Variants in NLGN1 observed in about 807,000 individuals in gnomAD.
NLGN1 encodes neuroligin-1.
Under a neutral mutation model 65.5 loss-of-function variants are expected in NLGN1, and 12 were observed. The observed-to-expected ratio is 0.18, with a 90% CI of 0.12 to 0.30. NLGN1 has a LOEUF of 0.30. Among genes scored for constraint, NLGN1 ranks in the 10% least tolerant of loss-of-function variants. NLGN1 has a pLI of 1.00. For synonymous variants in NLGN1, 350 were observed against 359.5 expected (o/e 0.97, Z 0.30); for missense variants, 750 against 1,007.1 (o/e 0.74, Z 3.46).
chr3:173,457,540 A>T (rs1560282339), intron 2 of NLGN1, among the ~76,000 whole-genome samples: 1 of 152,098 alleles, frequency 6.6e-6, no homozygotes, highest in Non-Finnish European at 1.5e-5. Context: ...ATGTAACAGG[A>T]AGGCCCTTGA....
chr3:173,604,380 AG>A lies in NLGN1; in HGVS notation c.-217del. On this transcript the variant is annotated 5_prime_UTR_variant, in exon 3 of 7. An upstream open reading frame in the 5' UTR gains an earlier in-frame stop. Coordinates refer to ENST00000457714, the Ensembl canonical transcript of NLGN1. ...TAATATGGAAAACAGAATGTTCAATAGGATATGGTCTGATAAATAGTGATGA... is the reference window on the plus strand; with the variant it reads ...TAATATGGAAAACAGAATGTTCAATAGATATGGTCTGATAAATAGTGATGA... 1 of 580,856 alleles carries A rather than the reference AG, an allele frequency of 1.7e-6. No individual in the cohort carries two copies. The allele number at this position is 580,856 out of a possible 1,614,324, so 36.0% of individuals were successfully genotyped here.
intron 3 of NLGN1, among the ~76,000 whole-genome samples, chr3:173,739,454 C>G (rs1774289592): frequency 6.6e-6 from 1 of 152,000 alleles, no homozygotes. Context: ...TTCTGGAAAA[C>G]AAAAGGAAAC....
At chr3:174,016,491 G>A (rs1726580434) in intron 4 of NLGN1, among the ~76,000 whole-genome samples, 1 of 152,130 alleles carries the variant, frequency 6.6e-6, no homozygotes, top group African/African-American at 2.4e-5. Flanking sequence ...CAAGATATCA[G>A]CAGATTGAGA....
chr3:173,485,116 C>CAAA (rs58463042), intron 2 of NLGN1, among the ~76,000 whole-genome samples: 37 of 52,810 alleles, frequency 7.0e-4, no homozygotes, highest in Non-Finnish European at 9.3e-4. Flanking sequence ...TGGCAGCAGG[C>CAAA]AAAAAAAAAA....
At chr3:173,756,176 A>T (rs1394951790) in intron 3 of NLGN1, among the ~76,000 whole-genome samples, 1 of 152,050 alleles carries the variant, frequency 6.6e-6, no homozygotes, top group Non-Finnish European at 1.5e-5. Flanking sequence ...CAATAAGATA[A>T]AGCAAATAAG....
At chr3:174,089,595 T>C (rs1744110099) in intron 4 of NLGN1, among the ~76,000 whole-genome samples, 1 of 152,192 alleles carries the variant, frequency 6.6e-6, no homozygotes, top group Non-Finnish European at 1.5e-5. Flanking sequence ...TGTGTTTATA[T>C]GCCCTTACAG....
At position 173,576,018 on chromosome 3, in the gene NLGN1, T is replaced by C. The variant is rs113589463; in HGVS notation, c.-320-28261T>C. Among the ~76,000 whole-genome samples, 723 of 152,266 alleles carry C rather than the reference T, an allele frequency of 4.7e-3. 2 individuals are homozygous for C. Among genetic ancestry groups the C allele is most frequent in the Middle Eastern group, 0.024 (7 of 294 alleles). ...TGGCCATTGAGCTATTGAAAAGGAA[T>C]TATTCCAAGTTGAGATGTACTCTAA... On this transcript the variant is annotated intron_variant, in intron 2 of 6. Coordinates refer to ENST00000457714, the Ensembl canonical transcript of NLGN1.
rs191668740 is a variant in NLGN1 at position 173,508,954 on chromosome 3, C to T, written c.-321+73876C>T. ...AGCCCATTTGTATCAGGTGTCTTCT[C>T]ATTTATAATGCAACAATTTTCCATG... On this transcript the variant is annotated intron_variant, in intron 2 of 6. Transcript: ENST00000457714. Among the ~76,000 whole-genome samples the T allele has an allele frequency of 4.7e-4, 72 of 152,232 alleles. No homozygotes were observed. The Middle Eastern group carries it at 0.01, about 22-fold the overall frequency.
rs189649403 is a variant in NLGN1 at position 173,458,830 on chromosome 3, T to C, written c.-321+23752T>C. Among the ~76,000 whole-genome samples, 6 of 152,270 alleles carry C rather than the reference T, an allele frequency of 3.9e-5. No homozygotes were observed. The South Asian group carries it at 8.3e-4, about 21-fold the overall frequency. ...GGTGCTCTGCAATCCCCTTGGCTTT[T>C]TTCTTATGGTTGCAAGGCAGCTGCA... On this transcript the variant is annotated intron_variant, in intron 2 of 6. Coordinates refer to ENST00000457714, the Ensembl canonical transcript of NLGN1.
At chr3:173,876,245 C>G (rs931101242) in intron 4 of NLGN1, among the ~76,000 whole-genome samples, 3 of 152,016 alleles carry the variant, frequency 2.0e-5, no homozygotes, top group Non-Finnish European at 4.4e-5. Flanking sequence ...GTGGTTGAGT[C>G]GGAACAGGTC....
chr3:174,044,245 G>T (rs1416039975), intron 4 of NLGN1, among the ~76,000 whole-genome samples: 1 of 152,190 alleles, frequency 6.6e-6, no homozygotes, highest in African/African-American at 2.4e-5. Flanking sequence ...TCTCTGACAT[G>T]CCCCGGAGAC....
At chr3:174,122,665 G>C (rs1237053044) in intron 4 of NLGN1, among the ~76,000 whole-genome samples, 1 of 152,104 alleles carries the variant, frequency 6.6e-6, no homozygotes, top group Admixed American at 6.6e-5. Flanking sequence ...CAATGACGTT[G>C]TTTTTAAGCC....
rs147720926 is a variant in NLGN1, at chr3:173,531,564, T to TACACACACACACACACACACAC, written c.-320-72710_-320-72689dup. 1.2e-3 allele frequency among the ~76,000 whole-genome samples: 183 copies of TACACACACACACACACACACAC among 148,258 alleles called. 1 individual carries two copies. Among genetic ancestry groups the TACACACACACACACACACACAC allele is most frequent in the Middle Eastern group, 3.4e-3 (1 of 290 alleles). On this transcript the variant is annotated intron_variant, in intron 2 of 6. Coordinates refer to ENST00000457714, the Ensembl canonical transcript of NLGN1. ...TGTATTTGTTTTTACCTGTGTGAAA[T>TACACACACACACACACACACAC]ACACACACACACACACACACACACA... is the stretch of plus-strand genomic sequence containing the variant.
intron 4 of NLGN1, among the ~76,000 whole-genome samples, chr3:174,232,197 G>T (rs1365202712): frequency 1.3e-5 from 2 of 152,140 alleles, no homozygotes; most frequent in Non-Finnish European, 2.9e-5. Context: ...TACAGTCAAA[G>T]GGGGGTTGTT....
chr3:173,694,724 G>A lies in NLGN1; in HGVS notation c.493+89633G>A, dbSNP rs181939925. On this transcript the variant is annotated intron_variant, in intron 3 of 6. Coordinates refer to ENST00000457714, the Ensembl canonical transcript of NLGN1. Reference sequence around the variant, plus strand: ...TTGAAATATGAGATTATAAGCCTAGGGCTTACAGCACTTCTATGCAATGGT... The same window carrying A: ...TTGAAATATGAGATTATAAGCCTAGAGCTTACAGCACTTCTATGCAATGGT... Among the ~76,000 whole-genome samples the A allele has an allele frequency of 2.6e-5, 4 of 152,164 alleles. No individual in the cohort carries two copies. In the East Asian group the frequency reaches 7.7e-4, roughly 29 times the overall value.
At chr3:174,263,112 G>T (rs2152862022) in intron 4 of NLGN1, among the ~76,000 whole-genome samples, 1 of 149,122 alleles carries the variant, frequency 6.7e-6, no homozygotes, top group East Asian at 2.0e-4. Context: ...CAAGTATGTG[G>T]TCAATTTTGG....
intron 1 of NLGN1, among the ~76,000 whole-genome samples, chr3:173,409,856 C>T (rs1428373940): frequency 6.6e-6 from 1 of 152,166 alleles, no homozygotes; most frequent in Non-Finnish European, 1.5e-5. Flanking sequence ...AAACCAAGAT[C>T]ATTGCTAGTG....
At chr3:174,198,844 C>CTTTTTTTTTT (rs56752477) in intron 4 of NLGN1, among the ~76,000 whole-genome samples, 12 of 99,862 alleles carry the variant, frequency 1.2e-4, no homozygotes, top group African/African-American at 1.5e-4. Flanking sequence ...TGACTAGATT[C>CTTTTTTTTTT]TTTTTTTTTT....
chr3:173,657,957 T>A (rs1167000034), intron 3 of NLGN1, among the ~76,000 whole-genome samples: 7 of 151,972 alleles, frequency 4.6e-5, no homozygotes, highest in Non-Finnish European at 7.4e-5. Context: ...AAACTTAAGT[T>A]TGTAAGTGCA....
Sources: allele counts gnomAD v4.1 joint callset (sites outside exome capture counted in the v4.1 genomes callset), GRCh38; gene constraint gnomAD v4.1.1; transcripts MANE v1.5; gene names NCBI Gene and HGNC (gene_info 2026-07-23, HGNC 2026-07-21).